Variants in CADM2 observed in about 807,000 individuals in gnomAD.
CADM2 encodes the protein cell adhesion molecule 2, also known as immunoglobulin superfamily member 4D.
Under a neutral mutation model 49.8 loss-of-function variants are expected in CADM2, and 12 were observed. That is an observed-to-expected ratio of 0.24 (90% CI 0.15 to 0.39). CADM2 has a LOEUF of 0.39. Among genes scored for constraint, CADM2 ranks in the 10% least tolerant of loss-of-function variants. The pLI, the probability that CADM2 is intolerant of heterozygous loss-of-function variation, is 1.00. For synonymous variants in CADM2, 214 were observed against 175.4 expected, an observed-to-expected ratio of 1.22 and a Z score of -1.74; for missense variants, 378 against 492.3, an observed-to-expected ratio of 0.77 and a Z score of 2.20.
chr3:85,767,460 A>G (rs899634818), intron 2 of CADM2, among the ~76,000 whole-genome samples: 2 of 152,208 alleles, frequency 1.3e-5, no homozygotes, highest in African/African-American at 4.8e-5. Flanking sequence ...TATTTTATTG[A>G]TAAGAAGAAA....
chr3:85,641,620 G>C (rs531220303), intron 1 of CADM2, among the ~76,000 whole-genome samples: 1 of 152,172 alleles, frequency 6.6e-6, no homozygotes, highest in South Asian at 2.1e-4. Context: ...TATCAGGTAT[G>C]AAGGTTAGAA....
chr3:85,400,674 T>A (rs1307399273), intron 1 of CADM2, among the ~76,000 whole-genome samples: 1 of 151,516 alleles, frequency 6.6e-6, no homozygotes, highest in Admixed American at 6.6e-5. Flanking sequence ...TGGTTTATTC[T>A]TGGGAGGGTG....
intron 1 of CADM2, among the ~76,000 whole-genome samples, chr3:85,248,385 G>A (rs1265529605): frequency 2.6e-5 from 4 of 151,780 alleles, no homozygotes; most frequent in South Asian, 2.1e-4. Flanking sequence ...AGCAGTTCTT[G>A]TGCCTCAGCC....
intron 1 of CADM2, among the ~76,000 whole-genome samples, chr3:85,374,902 G>A (rs2033494142): frequency 6.6e-6 from 1 of 152,088 alleles, no homozygotes; most frequent in Non-Finnish European, 1.5e-5. Context: ...TGAGATTTGG[G>A]TGGGGACACA....
chr3:85,380,885 G>A (rs1010639320), intron 1 of CADM2, among the ~76,000 whole-genome samples: 3 of 151,968 alleles, frequency 2.0e-5, no homozygotes, highest in Admixed American at 1.3e-4. Flanking sequence ...AGTTAAAATA[G>A]CACAGATAAA....
At chr3:86,010,497 A>T (rs1484403880) in intron 8 of CADM2, among the ~76,000 whole-genome samples, 1 of 151,476 alleles carries the variant, frequency 6.6e-6, no homozygotes, top group Non-Finnish European at 1.5e-5. Flanking sequence ...ATTTAGGAAT[A>T]ACCTCTTGAG....
chr3:85,469,233 G>A (rs770002917), intron 1 of CADM2, among the ~76,000 whole-genome samples: 9 of 152,156 alleles, frequency 5.9e-5, no homozygotes, highest in Non-Finnish European at 1.2e-4. Context: ...CGACTACTCT[G>A]TAAAACAGTA....
At chr3:85,537,915 C>T (rs553528559) in intron 1 of CADM2, among the ~76,000 whole-genome samples, 17 of 152,142 alleles carry the variant, frequency 1.1e-4, no homozygotes, top group Middle Eastern at 6.8e-3. Flanking sequence ...TGTTTTGACT[C>T]GGGGCTTGAT....
chr3:85,666,026 A>G (rs1352488601), intron 1 of CADM2, among the ~76,000 whole-genome samples: 8 of 152,076 alleles, frequency 5.3e-5, no homozygotes, highest in Non-Finnish European at 1.0e-4. Flanking sequence ...TTAAGCTGAT[A>G]AGCAACTTCA....
intron 2 of CADM2, among the ~76,000 whole-genome samples, chr3:85,748,986 A>G (rs2068747623): frequency 6.6e-6 from 1 of 152,120 alleles, no homozygotes; most frequent in Non-Finnish European, 1.5e-5. Context: ...GTCTTTAGAT[A>G]AGTTCAATAA....
intron 1 of CADM2, among the ~76,000 whole-genome samples, chr3:85,286,440 A>C (rs961002251): frequency 1.3e-5 from 2 of 152,164 alleles, no homozygotes; most frequent in African/African-American, 4.8e-5. Context: ...CCAGGACTAC[A>C]ATAGGGAAGA....
intron 1 of CADM2, among the ~76,000 whole-genome samples, chr3:85,262,105 T>A (rs1163303617): frequency 6.6e-6 from 1 of 152,108 alleles, no homozygotes; most frequent in East Asian, 1.9e-4. Flanking sequence ...TGTCTGCAAT[T>A]ATATAAATAA....
chr3:85,444,309 T>C (rs2037345377), intron 1 of CADM2, among the ~76,000 whole-genome samples: 1 of 152,022 alleles, frequency 6.6e-6, no homozygotes, highest in Non-Finnish European at 1.5e-5. Context: ...TTAAACCTTC[T>C]CAAAGGCATT....
At chr3:85,998,153 G>A (rs1318148641) in intron 8 of CADM2, among the ~76,000 whole-genome samples, 1 of 152,036 alleles carries the variant, frequency 6.6e-6, no homozygotes, top group Admixed American at 6.6e-5. Context: ...GGGGTAGCAG[G>A]GTTGGGGGTA....
At chr3:85,283,175 T>C (rs1016240313) in intron 1 of CADM2, among the ~76,000 whole-genome samples, 1 of 152,056 alleles carries the variant, frequency 6.6e-6, no homozygotes, top group Admixed American at 6.6e-5. Flanking sequence ...ATAATTTATA[T>C]TTTTATATCA....
chr3:86,037,060 T>C (rs1194632628), intron 8 of CADM2, among the ~76,000 whole-genome samples: 6 of 152,184 alleles, frequency 3.9e-5, no homozygotes, highest in Admixed American at 3.9e-4. Context: ...AGGACAAGTC[T>C]AACTTATCTA....
At chr3:85,339,429 T>C (rs2045180515) in intron 1 of CADM2, among the ~76,000 whole-genome samples, 1 of 151,590 alleles carries the variant, frequency 6.6e-6, no homozygotes, top group Non-Finnish European at 1.5e-5. Flanking sequence ...CTTTCTCTAG[T>C]TTATAGAATC....
intron 1 of CADM2, among the ~76,000 whole-genome samples, chr3:85,257,345 T>C (rs1429781988): frequency 6.6e-6 from 1 of 152,140 alleles, no homozygotes; most frequent in African/African-American, 2.4e-5. Flanking sequence ...TGATTTTATG[T>C]GATTTAATAA....
chr3:86,061,438 G>T (rs1031135998), intron 8 of CADM2, among the ~76,000 whole-genome samples: 3 of 152,000 alleles, frequency 2.0e-5, no homozygotes, highest in African/African-American at 7.2e-5. Context: ...ATTGATTAAA[G>T]AAATTCTGTG....
Sources: allele counts gnomAD v4.1 joint callset (sites outside exome capture counted in the v4.1 genomes callset), GRCh38; gene constraint gnomAD v4.1.1; transcripts MANE v1.5; gene names NCBI Gene and HGNC (gene_info 2026-07-23, HGNC 2026-07-21).